TRPC4: variants seen among roughly 807,000 people sequenced by gnomAD.
TRPC4 encodes transient receptor potential cation channel subfamily C member 4.
Under a neutral mutation model 99.4 loss-of-function variants are expected in TRPC4, and 49 were observed. That is an observed-to-expected ratio of 0.49 (90% CI 0.39 to 0.63). The LOEUF (loss-of-function observed/expected upper bound fraction) is 0.63. Ranked by LOEUF, TRPC4 falls within the 20% of genes least tolerant of loss-of-function variation. TRPC4 has a pLI of 0.00. For missense variants in TRPC4, 898 were observed against 1,152.9 expected (o/e 0.78, Z 3.20); for synonymous variants, 454 against 425.9 (o/e 1.07, Z -0.81).
At chr13:37,865,955 A>C (rs912237170) in intron 1 of TRPC4, among the ~76,000 whole-genome samples, 1 of 151,794 alleles carries the variant, frequency 6.6e-6, no homozygotes, top group African/African-American at 2.4e-5. Context: ...CCAAGTGTAC[A>C]TTAAATTCTC....
At chr13:37,773,464 C>T (rs7989243) in intron 2 of TRPC4, among the ~76,000 whole-genome samples, 18,203 of 151,750 alleles carry the variant, frequency 0.12, 2,164 homozygotes, top group African/African-American at 0.31. Context: ...TTACTGAACC[C>T]CTGTTACTTA....
At chr13:37,729,938 T>C (rs1344235191) in intron 3 of TRPC4, among the ~76,000 whole-genome samples, 3 of 152,032 alleles carry the variant, frequency 2.0e-5, no homozygotes, top group South Asian at 2.1e-4. Flanking sequence ...ATGCAATTAA[T>C]GCCACTCAAC....
chr13:37,729,860 C>T (rs1955187230), intron 3 of TRPC4, among the ~76,000 whole-genome samples: 1 of 152,062 alleles, frequency 6.6e-6, no homozygotes, highest in Non-Finnish European at 1.5e-5. Context: ...CCTCATTTCC[C>T]CTTCCTTCCA....
chr13:37,712,219 G>T (rs1954509990), intron 3 of TRPC4, among the ~76,000 whole-genome samples: 1 of 152,116 alleles, frequency 6.6e-6, no homozygotes, highest in Non-Finnish European at 1.5e-5. Flanking sequence ...TCTCTCCAAA[G>T]ATTGACAAGT....
intron 1 of TRPC4, among the ~76,000 whole-genome samples, chr13:37,867,115 C>A (rs1448003154): frequency 2.0e-5 from 3 of 151,720 alleles, no homozygotes; most frequent in Non-Finnish European, 4.4e-5. Flanking sequence ...TTTCCCTTTA[C>A]CTGACATTAT....
chr13:37,865,904 A>C (rs1386987505), intron 1 of TRPC4, among the ~76,000 whole-genome samples: 1 of 151,838 alleles, frequency 6.6e-6, no homozygotes, highest in East Asian at 1.9e-4. Context: ...TTAAGATAAC[A>C]ATGAAAAATA....
At chr13:37,774,237 C>A (rs926530725) in intron 2 of TRPC4, among the ~76,000 whole-genome samples, 2 of 151,652 alleles carry the variant, frequency 1.3e-5, no homozygotes, top group Non-Finnish European at 3.0e-5. Flanking sequence ...CTATAAATTT[C>A]TCTTACCCAC....
chr13:37,771,021 T>C (rs1224787106), intron 2 of TRPC4, among the ~76,000 whole-genome samples: 1 of 151,648 alleles, frequency 6.6e-6, no homozygotes, highest in Non-Finnish European at 1.5e-5. Context: ...ATTTATTAGG[T>C]ATTAGGTGCT....
chr13:37,735,451 T>C (rs531110291), intron 3 of TRPC4, among the ~76,000 whole-genome samples: 31 of 152,220 alleles, frequency 2.0e-4, no homozygotes, highest in Admixed American at 1.9e-3. Context: ...AAAATATCAG[T>C]CACTAAATAA....
intron 2 of TRPC4, among the ~76,000 whole-genome samples, chr13:37,776,047 A>G (rs531081153): frequency 6.6e-6 from 1 of 151,830 alleles, no homozygotes; most frequent in Non-Finnish European, 1.5e-5. Flanking sequence ...TTATCATACT[A>G]ATAGTGCAGC....
intron 2 of TRPC4, among the ~76,000 whole-genome samples, chr13:37,763,589 G>T (rs186582123): frequency 5.0e-4 from 76 of 151,784 alleles, no homozygotes; most frequent in Admixed American, 1.9e-3. Context: ...TAGCTGAAAT[G>T]GTTATATGCT....
At chr13:37,708,227 A>G (rs531916335) in intron 3 of TRPC4, among the ~76,000 whole-genome samples, 4 of 152,074 alleles carry the variant, frequency 2.6e-5, no homozygotes, top group Non-Finnish European at 5.9e-5. Flanking sequence ...CTATAAGGAG[A>G]TTTAAAAATG....
chr13:37,801,232 C>T (rs1391537604), intron 1 of TRPC4, among the ~76,000 whole-genome samples: 1 of 152,040 alleles, frequency 6.6e-6, no homozygotes, highest in African/African-American at 2.4e-5. Flanking sequence ...TTCATTATGG[C>T]AAATATTTTT....
In TRPC4 at chr13:37,817,076, C is replaced by G. The variant is rs182828804; in HGVS notation, c.-27-33716G>C. 1.9e-3 allele frequency among the ~76,000 whole-genome samples: 290 copies of G among 152,180 alleles called. 5 individuals carry two copies. The East Asian group carries it at 0.04, about 21-fold the overall frequency. On this transcript the variant is annotated intron_variant, in intron 1 of 10. Coordinates refer to ENST00000379705, the MANE Select transcript of TRPC4 (RefSeq NM_016179.4). ...GCATCCAAATAGGAAGAGAGGAAGT[C>G]AAACTATCCCTGTTTGCAGACAACA... is the stretch of plus-strand genomic sequence containing the variant.
intron 8 of TRPC4, among the ~76,000 whole-genome samples, chr13:37,642,135 T>G (rs1951733072): frequency 6.6e-6 from 1 of 152,116 alleles, no homozygotes; most frequent in East Asian, 1.9e-4. Context: ...GGTAGGAAAC[T>G]TGCATGTAAG....
At chr13:37,833,484 A>T (rs1405350950) in intron 1 of TRPC4, among the ~76,000 whole-genome samples, 1 of 152,158 alleles carries the variant, frequency 6.6e-6, no homozygotes, top group Non-Finnish European at 1.5e-5. Flanking sequence ...CCTACTAGTG[A>T]AGATGGGCAG....
intron 5 of TRPC4, among the ~76,000 whole-genome samples, chr13:37,664,337 G>A (rs915951570): frequency 2.0e-5 from 3 of 152,138 alleles, no homozygotes; most frequent in African/African-American, 4.8e-5. Flanking sequence ...ACTTTGGGAG[G>A]CCGAAGCTGG....
At chr13:37,745,456 A>ACACACACACACACT (rs1955718387) in intron 3 of TRPC4, among the ~76,000 whole-genome samples, 1 of 3,014 alleles carries the variant, frequency 3.3e-4, no homozygotes, top group Admixed American at 6.9e-3. Flanking sequence ...ATATATATAT[A>ACACACACACACACT]TATATATATA....
intron 1 of TRPC4, among the ~76,000 whole-genome samples, chr13:37,823,554 T>A (rs1958091374): frequency 6.6e-6 from 1 of 151,982 alleles, no homozygotes; most frequent in Admixed American, 6.6e-5. Flanking sequence ...CTTGTTTTTC[T>A]CAGGTTTGTC....
Sources: allele counts gnomAD v4.1 joint callset (sites outside exome capture counted in the v4.1 genomes callset), GRCh38; gene constraint gnomAD v4.1.1; transcripts MANE v1.5; gene names NCBI Gene and HGNC (gene_info 2026-07-23, HGNC 2026-07-21).